MYOF: variants seen among roughly 807,000 people sequenced by gnomAD.
MYOF encodes the protein myoferlin.
Under a neutral mutation model 284.2 loss-of-function variants are expected in MYOF, and 244 were observed. The ratio of observed to expected loss-of-function variants is 0.86; its 90% confidence interval spans 0.77 to 0.95. MYOF has a LOEUF of 0.95. Among genes scored for constraint, MYOF ranks in the 40% least tolerant of loss-of-function variants. MYOF has a pLI of 0.00. For missense variants in MYOF, 2,496 were observed against 2,560.6 expected, an observed-to-expected ratio of 0.97 and a Z score of 0.54; for synonymous variants, 904 against 919.7, an observed-to-expected ratio of 0.98 and a Z score of 0.31.
chr10:93,389,146 C>T lies in MYOF; in HGVS notation c.1465G>A (p.Gly489Arg). 2 of 1,613,128 alleles carry T rather than the reference C, an allele frequency of 1.2e-6. No individual in the cohort carries two copies. The highest frequency in any genetic ancestry group is 1.7e-5 in the Admixed American group (1 of 59,842). Residue 489 changes from glycine (G) to arginine (R), a missense_variant, in exon 18 of 54, where the codon GGA becomes AGA. Physicochemically the swap from Gly to Arg is moderately radical, Grantham distance 125 (BLOSUM62 -2). Around this residue, in one of 3 missense-constraint regions of MYOF, gnomAD observed 2,436 missense variants for 2,480.7 expected, o/e 0.98. Coordinates refer to ENST00000359263, the MANE Select transcript of MYOF (RefSeq NM_013451.4). Reference protein sequence around the residue: ...TGAASYTVNTGETEVGFVPTF... With the variant: ...TGAASYTVNTRETEVGFVPTF... ...GGAACAAAGCCTACCTCTGTTTCTC[C>T]TGTGTTTACTGAGAGAGAAACATCA...
chr10:93,337,940 C>A, intron 39 of MYOF, 27 bp from the exon 40 acceptor site: 1 of 1,532,548 alleles, frequency 6.5e-7, no homozygotes, highest in African/African-American at 1.4e-5. Flanking sequence ...ATGGAAAAAT[C>A]TTTAGTGATG....
At position 93,319,852 on chromosome 10, in the gene MYOF, C is replaced by A; in HGVS notation, c.5598+20G>T. Reference sequence around the variant, plus strand: ...AAGATCCATGATACCCACTTCCCAGCGGCATATTTCAGAGCTCACTTTTTT... The same window carrying A: ...AAGATCCATGATACCCACTTCCCAGAGGCATATTTCAGAGCTCACTTTTTT... On this transcript the variant is annotated intron_variant, in intron 49 of 53. Coordinates refer to ENST00000359263, the MANE Select transcript of MYOF (RefSeq NM_013451.4). The A allele has an allele frequency of 1.2e-6, 2 of 1,613,702 alleles. No homozygotes were observed. Among genetic ancestry groups the A allele is most frequent in the Admixed American group, 1.7e-5 (1 of 59,982 alleles).
intron 13 of MYOF, among the ~76,000 whole-genome samples, chr10:93,398,733 G>A (rs1206667900): frequency 6.6e-6 from 1 of 151,734 alleles, no homozygotes; most frequent in Non-Finnish European, 1.5e-5. Context: ...TATGTGGTTT[G>A]CCGAATCTTG....
chr10:93,343,436 G>A (rs1844025558), intron 38 of MYOF, among the ~76,000 whole-genome samples: 1 of 152,236 alleles, frequency 6.6e-6, no homozygotes, highest in African/African-American at 2.4e-5. Context: ...TGATCTGAAT[G>A]TTGCAATGCT....
intron 16 of MYOF, among the ~76,000 whole-genome samples, chr10:93,394,364 A>G (rs947617611): frequency 7.9e-5 from 12 of 151,172 alleles, no homozygotes; most frequent in Non-Finnish European, 1.8e-4. Flanking sequence ...GGCCTCCCAA[A>G]GTGCTGGGAT....
intron 1 of MYOF, among the ~76,000 whole-genome samples, chr10:93,463,591 G>A (rs2056934528): frequency 1.3e-5 from 2 of 151,366 alleles, no homozygotes; most frequent in Admixed American, 1.3e-4. Context: ...TAGAGATGGG[G>A]GTTTCACCAT....
At chr10:93,316,142 AAT>A (rs1350418913) in intron 50 of MYOF, among the ~76,000 whole-genome samples, 3 of 151,978 alleles carry the variant, frequency 2.0e-5, no homozygotes, top group African/African-American at 7.3e-5. Flanking sequence ...AAAATAAAAA[AAT>A]AGAGTGGGAT....
At chr10:93,427,076 T>C (rs1482743845) in intron 4 of MYOF, among the ~76,000 whole-genome samples, 1 of 150,652 alleles carries the variant, frequency 6.6e-6, no homozygotes, top group Non-Finnish European at 1.5e-5. Context: ...TTAGTAGAGA[T>C]GGGGTTTCAT....
rs552707613 is a variant in MYOF at position 93,317,738 on chromosome 10, T to G, written c.5599-925A>C. On this transcript the variant is annotated intron_variant, in intron 49 of 53. Coordinates refer to ENST00000359263, the MANE Select transcript of MYOF (RefSeq NM_013451.4). ...GTAGGTTGAAGGAAGACTAGGTAAGTGTCCTTCAAGTTCTTGCCTCCATTG... is the reference window on the plus strand; with the variant it reads ...GTAGGTTGAAGGAAGACTAGGTAAGGGTCCTTCAAGTTCTTGCCTCCATTG... Among the ~76,000 whole-genome samples, 4 of 152,328 alleles carry G rather than the reference T, an allele frequency of 2.6e-5. No homozygotes were observed. The South Asian group carries it at 8.3e-4, about 32-fold the overall frequency.
At chr10:93,436,037 C>T (rs1849104813) in intron 3 of MYOF, among the ~76,000 whole-genome samples, 1 of 151,294 alleles carries the variant, frequency 6.6e-6, no homozygotes, top group Non-Finnish European at 1.5e-5. Flanking sequence ...AGGGTTTCTG[C>T]CTTCAAAGAG....
chr10:93,425,104 A>G (rs543612205), intron 5 of MYOF, among the ~76,000 whole-genome samples: 1 of 151,758 alleles, frequency 6.6e-6, no homozygotes, highest in African/African-American at 2.4e-5. Context: ...ACACCTGGCC[A>G]ATTTTTTTGA....
At chr10:93,436,683 C>T (rs896673894) in intron 3 of MYOF, among the ~76,000 whole-genome samples, 4 of 152,142 alleles carry the variant, frequency 2.6e-5, no homozygotes, top group Non-Finnish European at 4.4e-5. Flanking sequence ...CTGGCTGGGC[C>T]TATTTTCTGT....
In MYOF at chr10:93,341,989, G is replaced by T. The variant is rs888723050; in HGVS notation, c.4327-1825C>A. On this transcript the variant is annotated intron_variant, in intron 38 of 53. Transcript: ENST00000359263. Reference sequence around the variant, plus strand: ...TAAGCACTGGAATTGGAAGGTAATTGTTGAGATGGCCATGTACACATGTCC... The same window carrying T: ...TAAGCACTGGAATTGGAAGGTAATTTTTGAGATGGCCATGTACACATGTCC... 11 of 1,288,676 alleles carry T rather than the reference G, an allele frequency of 8.5e-6. No homozygotes were observed. In the African/African-American group the frequency reaches 1.7e-4, roughly 20 times the overall value. The allele number at this position is 1,288,676 out of a possible 1,614,324, so 79.8% of individuals were successfully genotyped here.
At chr10:93,372,882 C>T in intron 24 of MYOF, 48 bp downstream of exon 24, 1 of 1,606,620 alleles carries the variant, frequency 6.2e-7, no homozygotes, top group Non-Finnish European at 8.5e-7. Context: ...CTCAGGAATA[C>T]AGCTTTTGCA....
intron 12 of MYOF, among the ~76,000 whole-genome samples, chr10:93,399,743 G>A (rs929386753): frequency 3.9e-5 from 6 of 151,980 alleles, no homozygotes; most frequent in Admixed American, 2.0e-4. Context: ...GTGGTGGCAC[G>A]CGCCTGTAAT....
Position 93,431,443 on chromosome 10 carries a change from T to C in MYOF, c.310A>G (p.Ile104Val). ...DQSRSLPYKL[I>V]SLLNEKGQDT... ...TGCCCTTTTTCATTTAGCAGGGAGA[T>C]CAGCTTGTACGGCAGGGATCTGCTC... Residue 104 changes from isoleucine to valine, a missense_variant, in exon 4 of 54, where the codon ATC (isoleucine) becomes GTC (valine). Ile to Val is a conservative substitution (Grantham distance 29). Coordinates refer to ENST00000359263, the MANE Select transcript of MYOF (RefSeq NM_013451.4). The C allele has an allele frequency of 1.2e-6, 2 of 1,614,076 alleles. No individual in the cohort carries two copies. Among genetic ancestry groups the C allele is most frequent in the South Asian group, 2.2e-5 (2 of 91,084 alleles).
At chr10:93,317,904 T>C (rs1842686310) in intron 49 of MYOF, among the ~76,000 whole-genome samples, 2 of 152,222 alleles carry the variant, frequency 1.3e-5, no homozygotes, top group Non-Finnish European at 2.9e-5. Flanking sequence ...ATTCCAGGAA[T>C]GTTTTCCTTT....
intron 3 of MYOF, among the ~76,000 whole-genome samples, chr10:93,431,730 G>A (rs1848881168): frequency 6.7e-6 from 1 of 149,566 alleles, no homozygotes; most frequent in South Asian, 2.1e-4. Context: ...TGGTGCCTAT[G>A]AAATTTCTTT....
chr10:93,352,462 G>T (rs1290755434), intron 32 of MYOF, among the ~76,000 whole-genome samples: 1 of 152,236 alleles, frequency 6.6e-6, no homozygotes, highest in African/African-American at 2.4e-5. Context: ...GAAAAGCTCA[G>T]ATGCTCATAG....
Sources: gnomAD v4.1 joint callset for allele counts (sites outside exome capture counted in the v4.1 genomes callset) on GRCh38, gnomAD v4.1.1 for gene constraint, gnomAD v4.1.1 regional missense constraint, MANE v1.5 for transcripts, NCBI Gene and HGNC (gene_info 2026-07-23, HGNC 2026-07-21) for gene names.